The following FAM220A variants were observed in gnomAD, a reference collection of about 807,000 sequenced individuals.
FAM220A encodes the protein family with sequence similarity 220 member A, also known as protein FAM220A.
For missense variants in FAM220A, 392 were observed against 321.6 expected (o/e 1.22, Z -1.68); for synonymous variants, 141 against 130.7 (o/e 1.08, Z -0.54).
At position 6,329,536 on chromosome 7, in the gene FAM220A, C is replaced by T. The variant is rs1436857417; in HGVS notation, c.*839G>A. The T allele has an allele frequency of 2.0e-5, 3 of 153,150 alleles. No individual in the cohort carries two copies. Among genetic ancestry groups the T allele is most frequent in the East Asian group, 1.9e-4 (1 of 5,194 alleles). 9.5% of individuals were successfully genotyped at this position (153,150 alleles called of 1,614,324 possible). A position where few individuals can be genotyped will look rare whatever the true frequency, so the allele number is the denominator to read the frequency against. On this transcript the variant is annotated 3_prime_UTR_variant, in exon 2 of 2. Transcript: ENST00000313324. Reference sequence around the variant, plus strand: ...AACTGATATATGCAATCGATAATCCCGAAAATGTTTAAGTTTCACTTTGGG... The same window carrying T: ...AACTGATATATGCAATCGATAATCCTGAAAATGTTTAAGTTTCACTTTGGG...
chr7:6,345,444 C>T (rs1202176227), intron 1 of FAM220A, among the ~76,000 whole-genome samples: 2 of 151,984 alleles, frequency 1.3e-5, no homozygotes, highest in African/African-American at 4.8e-5. Flanking sequence ...TAGAAGTTGC[C>T]TCTGATTGCT....
intron 1 of FAM220A, among the ~76,000 whole-genome samples, 186 bp from the exon 2 acceptor site, chr7:6,331,421 C>G (rs1781633037): frequency 6.6e-6 from 1 of 152,176 alleles, no homozygotes; most frequent in African/African-American, 2.4e-5. Flanking sequence ...CCTCAGCGTC[C>G]CAAAGTGCTG....
At chr7:6,336,144 G>T (rs1023041257) in intron 1 of FAM220A, among the ~76,000 whole-genome samples, 9 of 149,098 alleles carry the variant, frequency 6.0e-5, no homozygotes, top group African/African-American at 2.3e-4. Context: ...CTGCACTCCA[G>T]CCTGGGCAAC....
rs1292975489 is a variant in FAM220A, at chr7:6,329,650, A to G, written c.*725T>C. 1 of 163,444 alleles carries G rather than the reference A, an allele frequency of 6.1e-6. No individual in the cohort carries two copies. The highest frequency in any genetic ancestry group is 1.5e-5 in the Non-Finnish European group (1 of 68,122). 10.1% of individuals were successfully genotyped at this position (163,444 alleles called of 1,614,324 possible). ...GTCACCTTGAAAAATTTTAGGGTACAGGATACTGCAATTCTTAGAATCTGG... is the reference window on the plus strand; with the variant it reads ...GTCACCTTGAAAAATTTTAGGGTACGGGATACTGCAATTCTTAGAATCTGG... On this transcript the variant is annotated 3_prime_UTR_variant, in exon 2 of 2. Coordinates refer to ENST00000313324, the MANE Select transcript of FAM220A (RefSeq NM_001037163.2).
At chr7:6,346,568 A>G (rs1445405727) in intron 1 of FAM220A, among the ~76,000 whole-genome samples, 1 of 152,112 alleles carries the variant, frequency 6.6e-6, no homozygotes, top group Non-Finnish European at 1.5e-5. Context: ...TTTAGTAGAG[A>G]CAGGGTTTCA....
intron 1 of FAM220A, among the ~76,000 whole-genome samples, chr7:6,347,668 C>T (rs557698662): frequency 4.6e-5 from 7 of 152,142 alleles, no homozygotes; most frequent in Non-Finnish European, 7.4e-5. Flanking sequence ...TGGTCTTCAC[C>T]CTCACAACTC....
intron 1 of FAM220A, among the ~76,000 whole-genome samples, chr7:6,332,681 T>C (rs573617520): frequency 1.3e-5 from 2 of 151,712 alleles, no homozygotes; most frequent in Non-Finnish European, 2.9e-5. Flanking sequence ...ACCTGGGCAA[T>C]GGAGTCAGAC....
Position 6,330,742 on chromosome 7 carries a change from G to T in FAM220A, c.413C>A (p.Thr138Asn). Residue 138 changes from threonine to asparagine, a missense_variant, in exon 2 of 2, where the codon ACT becomes AAT. Thr to Asn is a moderately conservative substitution (Grantham distance 65, BLOSUM62 0). Transcript: ENST00000313324. ...RDWLGGGPRA[T>N]DGHRGQCPKG... ...GGGGCACTGTCCTCTGTGGCCGTCA[G>T]TGGCCCTGGGCCCTCCTCCCAGCCA... 6.2e-7 allele frequency: 1 copy of T among 1,614,160 alleles called. No homozygotes were observed. The highest frequency in any genetic ancestry group is 8.5e-7 in the Non-Finnish European group (1 of 1,180,030).
chr7:6,347,993 C>T (rs1488032895), intron 1 of FAM220A, among the ~76,000 whole-genome samples: 6 of 151,318 alleles, frequency 4.0e-5, no homozygotes, highest in Non-Finnish European at 8.8e-5. Flanking sequence ...TCACCGCAAC[C>T]TGCGCCTCCC....
intron 1 of FAM220A, among the ~76,000 whole-genome samples, chr7:6,340,452 A>T (rs1781829907): frequency 6.6e-6 from 1 of 152,180 alleles, no homozygotes; most frequent in South Asian, 2.1e-4. Flanking sequence ...AGAAGGGCAG[A>T]GGCCGTGCCA....
At chr7:6,331,485 G>C (rs1424512528) in intron 1 of FAM220A, among the ~76,000 whole-genome samples, 1 of 150,846 alleles carries the variant, frequency 6.6e-6, no homozygotes, top group Non-Finnish European at 1.5e-5. Context: ...TTGTTTTTTT[G>C]AGACAGAGTC....
Position 6,339,808 on chromosome 7 carries a change from C to T in FAM220A, c.-81-8573G>A, listed in dbSNP as rs560332118. ...TAACCACTGCCCTGTCTCCCCCTCC[C>T]GGTCCCCTGGATGCTCACAGGTGCG... On this transcript the variant is annotated intron_variant, in intron 1 of 1. Transcript: ENST00000313324. Among the ~76,000 whole-genome samples the T allele has an allele frequency of 1.2e-3, 181 of 152,036 alleles. 1 individual carries two copies. The highest frequency in any genetic ancestry group is 1.4e-3 in the Admixed American group (22 of 15,226).
At chr7:6,340,530 C>A (rs892070165) in intron 1 of FAM220A, among the ~76,000 whole-genome samples, 2 of 152,082 alleles carry the variant, frequency 1.3e-5, no homozygotes, top group African/African-American at 4.8e-5. Context: ...AAATACAGAC[C>A]ACCCACAGCT....
intron 1 of FAM220A, among the ~76,000 whole-genome samples, chr7:6,347,888 T>TATTATC (rs1204491902): frequency 8.0e-4 from 66 of 82,360 alleles, no homozygotes; most frequent in African/African-American, 3.1e-3. Context: ...ACCCCTTTAT[T>TATTATC]ATTATTATTA....
intron 1 of FAM220A, among the ~76,000 whole-genome samples, chr7:6,333,168 C>CAA (rs111863837): frequency 7.8e-6 from 1 of 127,996 alleles, no homozygotes; most frequent in Non-Finnish European, 1.8e-5. Flanking sequence ...ATAAAAAAAT[C>CAA]AAAAAAAAAA....
chr7:6,340,783 C>T lies in FAM220A; in HGVS notation c.-82+7790G>A, dbSNP rs539793104. ...GCGTGGTGGTGGGCACCTATAGTCC[C>T]AGCTACTCGGGAGGCTGAGGCAGGA... is the stretch of plus-strand genomic sequence containing the variant. On this transcript the variant is annotated intron_variant, in intron 1 of 1. Coordinates refer to ENST00000313324, the MANE Select transcript of FAM220A (RefSeq NM_001037163.2). Among the ~76,000 whole-genome samples the T allele has an allele frequency of 2.6e-5, 4 of 151,104 alleles. No homozygotes were observed. The South Asian group carries it at 8.4e-4, about 32-fold the overall frequency.
At chr7:6,333,977 G>A (rs368648717) in intron 1 of FAM220A, among the ~76,000 whole-genome samples, 1 of 150,324 alleles carries the variant, frequency 6.7e-6, no homozygotes, top group African/African-American at 2.4e-5. Context: ...CTCCCAAGTA[G>A]CTGGGACTAC....
intron 1 of FAM220A, among the ~76,000 whole-genome samples, chr7:6,335,228 A>T (rs1050483677): frequency 2.7e-5 from 4 of 145,828 alleles, no homozygotes; most frequent in African/African-American, 1.0e-4. Flanking sequence ...ATGCCCAGCT[A>T]TTTTTTTTTT....
chr7:6,342,373 C>G (rs543098911), intron 1 of FAM220A, among the ~76,000 whole-genome samples: 106 of 151,536 alleles, frequency 7.0e-4, no homozygotes, highest in Middle Eastern at 3.4e-3. Context: ...GGCAAAACCC[C>G]GACTCTACTA....
Sources: gnomAD v4.1 joint callset for allele counts (sites outside exome capture counted in the v4.1 genomes callset) on GRCh38, gnomAD v4.1.1 for gene constraint, MANE v1.5 for transcripts, NCBI Gene and HGNC (gene_info 2026-07-23, HGNC 2026-07-21) for gene names.